KHDRBS2: variants seen among roughly 807,000 people sequenced by gnomAD.
The protein encoded by KHDRBS2 is KH RNA binding domain containing, signal transduction associated 2.
KHDRBS2 carries 26 observed loss-of-function variants against 44.3 expected under a neutral mutation model. The observed-to-expected ratio is 0.59, with a 90% CI of 0.43 to 0.81. KHDRBS2 has a LOEUF of 0.81. KHDRBS2 is among the 40% of genes least tolerant of loss of function. The probability of loss-of-function intolerance (pLI) is 0.00; values close to 1 mark genes in which losing one functional copy is unlikely to be tolerated. For synonymous variants in KHDRBS2, 194 were observed against 151.1 expected (o/e 1.28, Z -2.08); for missense variants, 476 against 433.1 (o/e 1.10, Z -0.88).
rs1240611207 is a variant in KHDRBS2, at chr6:62,223,073, C to T, written c.92-45761G>A. On this transcript the variant is annotated intron_variant, in intron 1 of 8. Coordinates refer to ENST00000281156, the MANE Select transcript of KHDRBS2 (RefSeq NM_152688.4). ...ACTCTTTGAGTGGGAGTGCCAACTC[C>T]ACATTTCCCTTCTGCACAGTCCTAG... Among the ~76,000 whole-genome samples the T allele has an allele frequency of 2.0e-5, 3 of 152,212 alleles. No individual in the cohort carries two copies. The East Asian group carries it at 5.8e-4, about 29-fold the overall frequency.
chr6:61,631,550 G>T, the KHDRBS2 span, among the ~76,000 whole-genome samples: 1 of 152,122 alleles, frequency 6.6e-6, no homozygotes, highest in Non-Finnish European at 1.5e-5. Flanking sequence ...TAGCAGTGGT[G>T]TTCAGAGATG....
rs1290307204 is a variant in KHDRBS2, at chr6:61,993,669, ATATATT to A, written c.337-15463_337-15458del. Among the ~76,000 whole-genome samples, 138 of 122,204 alleles carry A rather than the reference ATATATT, an allele frequency of 1.1e-3. 1 individual carries two copies. The highest frequency in any genetic ancestry group is 3.8e-3 in the African/African-American group (129 of 33,956). The allele number at this position is 122,204 out of a possible 152,430, so 80.2% of individuals were successfully genotyped here. On this transcript the variant is annotated intron_variant, in intron 3 of 8. Transcript: ENST00000281156. ...TAAAATCATATATATATATATATAT[ATATATT>A]TTTTTTTTTTGATGTGAGCTTATAT...
At chr6:62,052,207 A>G (rs1387945060) in intron 2 of KHDRBS2, among the ~76,000 whole-genome samples, 1 of 152,090 alleles carries the variant, frequency 6.6e-6, no homozygotes, top group Non-Finnish European at 1.5e-5. Context: ...AGCATTATTC[A>G]TGATACTAAA....
the KHDRBS2 span, among the ~76,000 whole-genome samples, chr6:61,581,668 GTAT>G: frequency 6.7e-6 from 1 of 148,940 alleles, no homozygotes; most frequent in African/African-American, 2.4e-5. Context: ...GACAACTATA[GTAT>G]TATAAGGAAA....
chr6:61,729,498 C>A (rs1315880436), intron 7 of KHDRBS2, among the ~76,000 whole-genome samples: 2 of 152,124 alleles, frequency 1.3e-5, no homozygotes, highest in Non-Finnish European at 2.9e-5. Context: ...TGTAGGTCAA[C>A]TTTTAAGCAA....
intron 3 of KHDRBS2, among the ~76,000 whole-genome samples, chr6:62,013,795 A>G (rs966706718): frequency 6.6e-6 from 1 of 152,170 alleles, no homozygotes; most frequent in African/African-American, 2.4e-5. Context: ...ATCACCATTA[A>G]TGTTAATACC....
At chr6:62,176,045 G>A (rs1821024163) in intron 2 of KHDRBS2, among the ~76,000 whole-genome samples, 1 of 151,290 alleles carries the variant, frequency 6.6e-6, no homozygotes, top group Non-Finnish European at 1.5e-5. Flanking sequence ...TTCTATTCAA[G>A]ACTGTAACTG....
the KHDRBS2 span, among the ~76,000 whole-genome samples, chr6:61,670,437 T>C: frequency 6.6e-6 from 1 of 151,502 alleles, no homozygotes; most frequent in African/African-American, 2.4e-5. Context: ...ACATAAATTC[T>C]AAATAATTAT....
At chr6:62,081,473 CAT>C (rs1797381123) in intron 2 of KHDRBS2, among the ~76,000 whole-genome samples, 1 of 152,142 alleles carries the variant, frequency 6.6e-6, no homozygotes, top group Non-Finnish European at 1.5e-5. Flanking sequence ...TTGTGAATGA[CAT>C]ATGCTGTCAA....
intron 1 of KHDRBS2, among the ~76,000 whole-genome samples, chr6:62,199,964 G>A (rs935987815): frequency 1.3e-5 from 2 of 152,116 alleles, no homozygotes; most frequent in Non-Finnish European, 2.9e-5. Context: ...TGACAAGCCT[G>A]ACAAAAACAA....
chr6:61,601,564 A>G, the KHDRBS2 span, among the ~76,000 whole-genome samples: 1 of 152,124 alleles, frequency 6.6e-6, no homozygotes, highest in Non-Finnish European at 1.5e-5. Flanking sequence ...GAGGTGCCTG[A>G]CGTCCAGGCA....
At chr6:61,596,885 C>T in the KHDRBS2 span, among the ~76,000 whole-genome samples, 816 of 152,168 alleles carry the variant, frequency 5.4e-3, 5 homozygotes, top group South Asian at 0.011. Flanking sequence ...CTCTTGACCT[C>T]GTGATCCACC....
intron 1 of KHDRBS2, among the ~76,000 whole-genome samples, chr6:62,285,340 A>G (rs1331414420): frequency 6.6e-6 from 1 of 152,238 alleles, no homozygotes; most frequent in African/African-American, 2.4e-5. Context: ...TACCACATTA[A>G]CATACATATA....
intron 2 of KHDRBS2, among the ~76,000 whole-genome samples, chr6:62,163,474 A>G (rs1818053387): frequency 6.6e-6 from 1 of 152,062 alleles, no homozygotes; most frequent in Non-Finnish European, 1.5e-5. Context: ...ATACTGTAGA[A>G]ATGATTCCTA....
the KHDRBS2 span, among the ~76,000 whole-genome samples, chr6:61,654,629 G>C: frequency 6.6e-6 from 1 of 150,980 alleles, no homozygotes; most frequent in Admixed American, 6.6e-5. Flanking sequence ...AAAGAGACAA[G>C]AAACCAATAG....
chr6:61,759,799 C>G (rs73474561), intron 6 of KHDRBS2, among the ~76,000 whole-genome samples: 1,846 of 152,262 alleles, frequency 0.012, 43 homozygotes, highest in African/African-American at 0.042. Context: ...GGCTAATCAA[C>G]AAAAATTAAA....
chr6:61,846,740 T>G (rs182643410), intron 6 of KHDRBS2, among the ~76,000 whole-genome samples: 1 of 151,982 alleles, frequency 6.6e-6, no homozygotes, highest in Non-Finnish European at 1.5e-5. Flanking sequence ...AAAGAAACAC[T>G]GTGGAATTTG....
chr6:62,023,849 T>A (rs1282069543), intron 3 of KHDRBS2, among the ~76,000 whole-genome samples: 1 of 151,108 alleles, frequency 6.6e-6, no homozygotes, highest in Non-Finnish European at 1.5e-5. Flanking sequence ...TAATTTACTA[T>A]GTAAAGTATA....
chr6:61,939,955 T>G (rs1178649222), intron 4 of KHDRBS2, among the ~76,000 whole-genome samples: 1 of 152,160 alleles, frequency 6.6e-6, no homozygotes, highest in African/African-American at 2.4e-5. Flanking sequence ...ATGTACCCTT[T>G]TTTTCTTGTT....
Sources: allele counts gnomAD v4.1 joint callset (sites outside exome capture counted in the v4.1 genomes callset), GRCh38; gene constraint gnomAD v4.1.1; transcripts MANE v1.5; gene names NCBI Gene and HGNC (gene_info 2026-07-23, HGNC 2026-07-21).